The following TAS2R1 variants were observed in gnomAD, a reference collection of about 807,000 sequenced individuals.
The protein encoded by TAS2R1 is taste 2 receptor member 1, also known as taste receptor type 2 member 1.
For missense variants in TAS2R1, 370 were observed against 353.4 expected (o/e 1.05, Z -0.38); for synonymous variants, 141 against 134.2 (o/e 1.05, Z -0.35).
At chr5:9,715,028 G>A (rs918212275), upstream of TAS2R1, among the ~76,000 whole-genome samples, 39 of 152,172 alleles carry the variant, frequency 2.6e-4, no homozygotes, top group African/African-American at 8.9e-4. Flanking sequence ...GGGAACTAGG[G>A]TGCTCGTCCA....
At chr5:9,808,422 A>G in the TAS2R1 span, among the ~76,000 whole-genome samples, 4 of 151,884 alleles carry the variant, frequency 2.6e-5, no homozygotes, top group African/African-American at 9.7e-5. Flanking sequence ...AAAATGTAAG[A>G]AGAGAGAAAT....
intron 2 of TAS2R1, among the ~76,000 whole-genome samples, chr5:9,647,147 A>T (rs1740205651): frequency 6.6e-6 from 1 of 152,130 alleles, no homozygotes; most frequent in Admixed American, 6.6e-5. Context: ...CTTAATACAG[A>T]ACCACATCAA....
At chr5:9,794,907 A>C in the TAS2R1 span, among the ~76,000 whole-genome samples, 1 of 152,212 alleles carries the variant, frequency 6.6e-6, no homozygotes, top group African/African-American at 2.4e-5. Context: ...ATAATATAAT[A>C]ATGATAATTT....
chr5:9,810,673 G>A, the TAS2R1 span, among the ~76,000 whole-genome samples: 1 of 152,112 alleles, frequency 6.6e-6, no homozygotes, highest in Non-Finnish European at 1.5e-5. Flanking sequence ...CTGGAAGTGA[G>A]GTGCTAATAT....
chr5:9,858,426 G>A, the TAS2R1 span, among the ~76,000 whole-genome samples: 7 of 152,210 alleles, frequency 4.6e-5, no homozygotes, highest in South Asian at 1.5e-3. Flanking sequence ...TGAAGTTGGG[G>A]GCAGTGATGC....
At chr5:9,827,598 G>GCACACACACACA in the TAS2R1 span, among the ~76,000 whole-genome samples, 9 of 147,424 alleles carry the variant, frequency 6.1e-5, no homozygotes, top group South Asian at 8.8e-4. Context: ...GTGGTGGCAT[G>GCACACACACACA]CACACACACA....
chr5:9,891,607 T>C, the TAS2R1 span, among the ~76,000 whole-genome samples: 10 of 151,998 alleles, frequency 6.6e-5, no homozygotes, highest in African/African-American at 2.4e-4. Flanking sequence ...TGTACCTACT[T>C]CTAGGTGGCT....
chr5:9,773,932 T>C, the TAS2R1 span, among the ~76,000 whole-genome samples: 1 of 152,214 alleles, frequency 6.6e-6, no homozygotes, highest in Non-Finnish European at 1.5e-5. Flanking sequence ...TCTATAGCCT[T>C]CTTGTACTTG....
chr5:9,757,835 T>A, the TAS2R1 span, among the ~76,000 whole-genome samples: 2 of 152,186 alleles, frequency 1.3e-5, no homozygotes, highest in Non-Finnish European at 2.9e-5. Context: ...TTTCTCATAA[T>A]CTTTAAAACT....
At chr5:9,900,998 C>T in the TAS2R1 span, among the ~76,000 whole-genome samples, 6 of 152,266 alleles carry the variant, frequency 3.9e-5, no homozygotes, top group South Asian at 2.1e-4. Flanking sequence ...TTGCACTAGT[C>T]GTCCTCGGAG....
chr5:9,768,572 C>T, the TAS2R1 span, among the ~76,000 whole-genome samples: 2 of 152,240 alleles, frequency 1.3e-5, no homozygotes, highest in Admixed American at 6.5e-5. Flanking sequence ...CCTCCTCCTT[C>T]GCCTCCTTGC....
chr5:9,797,466 G>C, the TAS2R1 span, among the ~76,000 whole-genome samples: 1 of 151,890 alleles, frequency 6.6e-6, no homozygotes, highest in South Asian at 2.1e-4. Context: ...TTCTGAATGA[G>C]AAAAAAAGCT....
the TAS2R1 span, among the ~76,000 whole-genome samples, chr5:9,755,987 G>A: frequency 2.6e-5 from 4 of 152,170 alleles, no homozygotes; most frequent in Non-Finnish European, 4.4e-5. Flanking sequence ...ACCTCAGCCT[G>A]TGACTTAGAA....
At chr5:9,696,256 G>A (rs1422965632) in intron 1 of TAS2R1, among the ~76,000 whole-genome samples, 2 of 152,038 alleles carry the variant, frequency 1.3e-5, no homozygotes, top group East Asian at 3.9e-4. Flanking sequence ...ATAGTTATAA[G>A]GTATAAATAT....
chr5:9,743,290 C>T, the TAS2R1 span, among the ~76,000 whole-genome samples: 1 of 151,656 alleles, frequency 6.6e-6, no homozygotes, highest in African/African-American at 2.4e-5. Context: ...TTCATTGTCT[C>T]AGTTGAGCAG....
the TAS2R1 span, chr5:9,765,767 A>T: frequency 3.7e-4 from 56 of 152,204 alleles, no homozygotes; most frequent in African/African-American, 1.4e-3. Context: ...TAAACGACCC[A>T]GTACCTCATT....
intron 2 of TAS2R1, among the ~76,000 whole-genome samples, chr5:9,647,341 G>A (rs1018187180): frequency 6.6e-6 from 1 of 152,188 alleles, no homozygotes; most frequent in Non-Finnish European, 1.5e-5. Flanking sequence ...GACCAGCACA[G>A]CCTCCACAGA....
chr5:9,744,726 G>A, the TAS2R1 span, among the ~76,000 whole-genome samples: 1,076 of 152,196 alleles, frequency 7.1e-3, 13 homozygotes, highest in African/African-American at 0.024. Context: ...ACTATGTGAG[G>A]TTATACCAAG....
At chr5:9,839,750 G>A in the TAS2R1 span, among the ~76,000 whole-genome samples, 224 of 152,068 alleles carry the variant, frequency 1.5e-3, 1 homozygote, top group South Asian at 9.1e-3. Flanking sequence ...GTCAGAAGTT[G>A]TAAAAGTAAA....
Sources: allele counts gnomAD v4.1 joint callset (sites outside exome capture counted in the v4.1 genomes callset), GRCh38; gene constraint gnomAD v4.1.1; transcripts MANE v1.5; gene names NCBI Gene and HGNC (gene_info 2026-07-23, HGNC 2026-07-21).